Variants in EBF3 observed in about 807,000 individuals in gnomAD.
EBF3 encodes transcription factor COE3.
EBF3 carries 18 observed loss-of-function variants against 77.1 expected under a neutral mutation model. That is an observed-to-expected ratio of 0.23 (90% confidence interval 0.16 to 0.35). The LOEUF is 0.35. Among genes scored for constraint, EBF3 ranks in the 10% least tolerant of loss-of-function variants. The probability of loss-of-function intolerance (pLI) is 1.00; values close to 1 mark genes in which losing one functional copy is unlikely to be tolerated. For missense variants in EBF3, 558 were observed against 860.0 expected (o/e 0.65, Z 4.39); for synonymous variants, 350 against 343.5 (o/e 1.02, Z -0.21).
intron 10 of EBF3, among the ~76,000 whole-genome samples, chr10:129,852,538 T>C (rs1163736014): frequency 2.0e-5 from 3 of 152,228 alleles, no homozygotes; most frequent in African/African-American, 7.2e-5. Context: ...TTCATTTTGA[T>C]GGCTTAACCT....
At chr10:129,957,415 A>G (rs1859126382) in intron 5 of EBF3, 89 bp from the exon 6 acceptor site, 6 of 1,083,936 alleles carry the variant, frequency 5.5e-6, no homozygotes, top group East Asian at 4.9e-5. Context: ...ACGTCTGACA[A>G]TGAAGCGGTA....
intron 6 of EBF3, among the ~76,000 whole-genome samples, chr10:129,908,818 G>A (rs142686067): frequency 6.6e-6 from 1 of 152,184 alleles, no homozygotes; most frequent in Admixed American, 6.5e-5. Context: ...AGAGGTGCAA[G>A]GCCACCATTT....
At chr10:129,875,187 C>CTTCTTTTTTTTTTT (rs1852672323) in intron 7 of EBF3, among the ~76,000 whole-genome samples, 3 of 92,930 alleles carry the variant, frequency 3.2e-5, no homozygotes, top group African/African-American at 1.2e-4. Context: ...ATGGCTTCTT[C>CTTCTTTTTTTTTTT]TTTTTTTTTT....
At chr10:129,880,299 C>A (rs1205669527) in intron 6 of EBF3, among the ~76,000 whole-genome samples, 1 of 151,982 alleles carries the variant, frequency 6.6e-6, no homozygotes, top group Non-Finnish European at 1.5e-5. Context: ...TACACACATG[C>A]CACCCACACA....
intron 5 of EBF3, among the ~76,000 whole-genome samples, chr10:129,957,685 T>C (rs1451997092): frequency 6.6e-6 from 1 of 152,252 alleles, no homozygotes; most frequent in Admixed American, 6.5e-5. Context: ...GGCTTTTGTT[T>C]ACCTCTAATT....
chr10:129,840,078 G>T (rs527801320), intron 15 of EBF3, among the ~76,000 whole-genome samples, 167 bp downstream of exon 15: 1 of 152,372 alleles, frequency 6.6e-6, no homozygotes, highest in Non-Finnish European at 1.5e-5. Context: ...GTGCACAGGG[G>T]TCCTCGCTGT....
intron 6 of EBF3, among the ~76,000 whole-genome samples, chr10:129,899,515 TA>T (rs1854634792): frequency 6.6e-6 from 1 of 152,158 alleles, no homozygotes; most frequent in Non-Finnish European, 1.5e-5. Context: ...GGCTAAAATG[TA>T]AATAAATACA....
Position 129,963,581 on chromosome 10 carries a change from G to C in EBF3, c.134+54C>G. The C allele has an allele frequency of 1.6e-6, 2 of 1,231,912 alleles. No homozygotes were observed. The highest frequency in any genetic ancestry group is 2.0e-6 in the Non-Finnish European group (2 of 980,578). The allele number at this position is 1,231,912 out of a possible 1,614,324, so 76.3% of individuals were successfully genotyped here. Reference sequence around the variant, plus strand: ...GAGCGCGGCGCCGGCCGGCGGAGGGGGCCGGGCCGGGCCGGGGCCGGGGCC... The same window carrying C: ...GAGCGCGGCGCCGGCCGGCGGAGGGCGCCGGGCCGGGCCGGGGCCGGGGCC... On this transcript the variant is annotated intron_variant, in intron 1 of 16. Transcript: ENST00000440978. This position sits in a 1 kb window ranked among gnomAD's most constrained non-coding sequence, Gnocchi z 7.1.
intron 5 of EBF3, among the ~76,000 whole-genome samples, chr10:129,957,713 G>A (rs1453398311): frequency 2.0e-5 from 3 of 152,160 alleles, no homozygotes; most frequent in Non-Finnish European, 2.9e-5. Flanking sequence ...TGTTATTTCT[G>A]GAAAAGATGC....
chr10:129,841,641 C>G lies in EBF3; in HGVS notation c.1372+475G>C, dbSNP rs1377568143. Among the ~76,000 whole-genome samples the G allele has an allele frequency of 6.6e-6, 1 of 152,154 alleles. No homozygotes were observed. Among genetic ancestry groups the G allele is most frequent in the Non-Finnish European group, 1.5e-5 (1 of 68,036 alleles). ...GGACCCAAATGGCAAGATGCAGCGG[C>G]CTTGGCTGGCCCAGGACACTGCACT... On this transcript the variant is annotated intron_variant, in intron 13 of 16. Coordinates refer to ENST00000440978, the MANE Select transcript of EBF3 (RefSeq NM_001375380.1). The surrounding 1 kb of genome is among the most constrained non-coding windows in gnomAD (Gnocchi z 4.6).
At chr10:129,915,733 C>T (rs1283179448) in intron 6 of EBF3, among the ~76,000 whole-genome samples, 2 of 152,204 alleles carry the variant, frequency 1.3e-5, no homozygotes, top group South Asian at 2.1e-4. Flanking sequence ...ATGGCACCAA[C>T]AGCCGCCTGA....
intron 15 of EBF3, 30 bp downstream of exon 15, chr10:129,840,215 C>A (rs369124244): frequency 2.2e-4 from 338 of 1,534,308 alleles, no homozygotes; most frequent in Non-Finnish European, 2.8e-4. Context: ...GAGGACCCAG[C>A]ACTGGCCCAC....
At chr10:129,856,616 T>G (rs989812182) in intron 10 of EBF3, among the ~76,000 whole-genome samples, 2 of 152,198 alleles carry the variant, frequency 1.3e-5, no homozygotes, top group Non-Finnish European at 2.9e-5. Context: ...CTGCCCTCCA[T>G]GCTCTCACTT....
chr10:129,963,406 A>G lies in EBF3; in HGVS notation c.252T>C (p.Ile84=), dbSNP rs769018515. 1.3e-6 allele frequency: 2 copies of G among 1,591,850 alleles called. No individual in the cohort carries two copies. Among genetic ancestry groups the G allele is most frequent in the Non-Finnish European group, 1.7e-6 (2 of 1,169,094 alleles). ...LYDRQGQPVE[I]ERTAFVDFVE... ...CAAAGTCCACAAAAGCGGTCCTTTCAATCTCCACCGGCTGCCCCTGCCTAT... is the reference window on the plus strand; with the variant it reads ...CAAAGTCCACAAAAGCGGTCCTTTCGATCTCCACCGGCTGCCCCTGCCTAT... Residue 84 remains isoleucine (I), a synonymous_variant, in exon 2 of 17, where the codon ATT becomes ATC. Transcript: ENST00000440978. The surrounding 1 kb of genome is among the most constrained non-coding windows in gnomAD (Gnocchi z 7.1).
Position 129,925,091 on chromosome 10 carries a change from T to C in EBF3, c.554+32167A>G, listed in dbSNP as rs1009342164. ...TGTGGTGTGTGTGTGCACGCGTGTG[T>C]GTGTGTGTGTGTGCGTGTGTACGGT... On this transcript the variant is annotated intron_variant, in intron 6 of 16. Coordinates refer to ENST00000440978, the MANE Select transcript of EBF3 (RefSeq NM_001375380.1). 2.2e-3 allele frequency among the ~76,000 whole-genome samples: 240 copies of C among 108,784 alleles called. 11 individuals carry two copies. The East Asian group carries it at 0.054, about 24-fold the overall frequency. 71.4% of individuals were successfully genotyped at this position (108,784 alleles called of 152,430 possible). A position where few individuals can be genotyped will look rare whatever the true frequency, so the allele number is the denominator to read the frequency against.
At chr10:129,840,527 G>C in intron 14 of EBF3, 85 bp from the exon 15 acceptor site, 1 of 1,433,200 alleles carries the variant, frequency 7.0e-7, no homozygotes, top group Non-Finnish European at 9.4e-7. Context: ...CCTCGGACGG[G>C]GGGGCAGGGG....
intron 6 of EBF3, 71 bp from the exon 7 acceptor site, chr10:129,877,920 C>T (rs1828608451): frequency 7.9e-7 from 1 of 1,267,842 alleles, no homozygotes; most frequent in Non-Finnish European, 1.1e-6. Context: ...TTAAAAGACA[C>T]TCTTGCGCAG....
intron 10 of EBF3, among the ~76,000 whole-genome samples, chr10:129,860,349 C>T (rs900338030): frequency 3.3e-5 from 5 of 152,054 alleles, no homozygotes; most frequent in African/African-American, 7.2e-5. Flanking sequence ...GGGCCGGGCC[C>T]GCCTCTGCCA....
At chr10:129,941,161 G>A (rs1857707479) in intron 6 of EBF3, among the ~76,000 whole-genome samples, 1 of 152,222 alleles carries the variant, frequency 6.6e-6, no homozygotes, top group African/African-American at 2.4e-5. Flanking sequence ...AGTAGATTGA[G>A]ATAAATAACC....
Sources: allele counts gnomAD v4.1 joint callset (sites outside exome capture counted in the v4.1 genomes callset), GRCh38; gene constraint gnomAD v4.1.1; non-coding constraint Gnocchi (gnomAD v3.1); transcripts MANE v1.5; gene names NCBI Gene and HGNC (gene_info 2026-07-23, HGNC 2026-07-21).